Variants in MICAL3 observed in about 807,000 individuals in gnomAD.
MICAL3 encodes the protein [F-actin]-monooxygenase MICAL3.
In MICAL3, 62 loss-of-function variants were observed where a neutral mutation model predicts 207.4. That is an observed-to-expected ratio of 0.30 (90% CI 0.24 to 0.37). MICAL3 has a LOEUF of 0.37. Ranked by LOEUF, MICAL3 falls within the 10% of genes least tolerant of loss-of-function variation. The probability of loss-of-function intolerance (pLI) is 1.00; values close to 1 mark genes in which losing one functional copy is unlikely to be tolerated. For synonymous variants in MICAL3, 1,077 were observed against 1,069.3 expected, an observed-to-expected ratio of 1.01 and a Z score of -0.14; for missense variants, 2,368 against 2,635.6, an observed-to-expected ratio of 0.90 and a Z score of 2.22.
At chr22:17,907,607 AG>A (rs1439778140) in intron 1 of MICAL3, among the ~76,000 whole-genome samples, 1 of 152,198 alleles carries the variant, frequency 6.6e-6, no homozygotes, top group Admixed American at 6.5e-5. Context: ...AGCATACAAA[AG>A]CAGGAAGATC....
chr22:18,022,364 A>C (rs1387212031), intron 1 of MICAL3, among the ~76,000 whole-genome samples: 1 of 152,034 alleles, frequency 6.6e-6, no homozygotes, highest in African/African-American at 2.4e-5. Flanking sequence ...TATAATTTCT[A>C]GGTGATCTTA....
chr22:17,851,989 A>G lies in MICAL3; in HGVS notation c.2606-9972T>C, dbSNP rs372186078. On this transcript the variant is annotated intron_variant, in intron 19 of 31. Coordinates refer to ENST00000441493, the MANE Select transcript of MICAL3 (RefSeq NM_015241.3). ...GCTGACGTGCTTTCCCCAAGACTCC[A>G]GGCTCTATTCCAACCCTCCTGTCCT... 7.2e-5 allele frequency among the ~76,000 whole-genome samples: 11 copies of G among 152,284 alleles called. No individual in the cohort carries two copies. The East Asian group carries it at 7.7e-4, about 11-fold the overall frequency.
At position 17,822,063 on chromosome 22, in the gene MICAL3, T is replaced by C. The variant is rs202190845; in HGVS notation, c.3415A>G (p.Lys1139Glu). 1.2e-6 allele frequency: 2 copies of C among 1,613,900 alleles called. No individual in the cohort carries two copies. Among genetic ancestry groups the C allele is most frequent in the Non-Finnish European group, 1.7e-6 (2 of 1,179,870 alleles). Residue 1139 changes from lysine to glutamate, a missense_variant, in exon 24 of 32, where the codon AAG becomes GAG. Lys to Glu is a moderately conservative substitution (Grantham distance 56, BLOSUM62 1). This residue lies in a region of MICAL3 where 1,770 missense variants were observed against 1,863.2 expected (regional missense o/e 0.95). Transcript: ENST00000441493. The stretch of plus-strand genomic sequence containing the variant: ...TGGTGCTTCGGTGAGGCGGGCAGCT[T>C]CTCCTCATCTTCCGACACCCTCAGC... ...LELRVSEDEEKLPASPKHQER... is the reference protein window; with the variant it reads ...LELRVSEDEEELPASPKHQER...
Position 17,871,924 on chromosome 22 carries a change from C to T in MICAL3, c.2341G>A (p.Gly781Ser), listed in dbSNP as rs748266193. ...AAGCAGCTCCGGTGGAAGAACTTGC[C>T]CTCGGCACTCAGCCTCTCCATCACG... ...VYVMERLSAE[G>S]KFFHRSCFKC... The change falls in exon 17 of 32, where the codon GGC (glycine) becomes AGC (serine). Residue 781 changes from glycine to serine, a missense_variant. This residue lies in a region of MICAL3 where 1,770 missense variants were observed against 1,863.2 expected (regional missense o/e 0.95). Coordinates refer to ENST00000441493, the MANE Select transcript of MICAL3 (RefSeq NM_015241.3). 6.2e-7 allele frequency: 1 copy of T among 1,611,318 alleles called. No individual in the cohort carries two copies. The highest frequency in any genetic ancestry group is 1.1e-5 in the South Asian group (1 of 90,192).
chr22:17,886,442 G>A (rs1191107245), intron 15 of MICAL3, among the ~76,000 whole-genome samples: 1 of 152,190 alleles, frequency 6.6e-6, no homozygotes, highest in Non-Finnish European at 1.5e-5. Context: ...CAAGATGGGT[G>A]GATCACTTGA....
chr22:17,860,921 A>G (rs1417936345), intron 19 of MICAL3: 5 of 984,916 alleles, frequency 5.1e-6, no homozygotes, highest in African/African-American at 1.7e-5. Context: ...CACAATTATT[A>G]TAATTACTAT....
At position 17,902,976 on chromosome 22, in the gene MICAL3, C is replaced by A. The variant is rs1012141568; in HGVS notation, c.473-229G>T. Among the ~76,000 whole-genome samples, 1 of 152,230 alleles carries A rather than the reference C, an allele frequency of 6.6e-6. No homozygotes were observed. The highest frequency in any genetic ancestry group is 2.4e-5 in the African/African-American group (1 of 41,452). On this transcript the variant is annotated intron_variant, in intron 3 of 31. Coordinates refer to ENST00000441493, the MANE Select transcript of MICAL3 (RefSeq NM_015241.3). The surrounding 1 kb of genome is among the most constrained non-coding windows in gnomAD (Gnocchi z 4.5). ...TAGAGCAACACACAGGACACTCCCA[C>A]GTCTCGGGTTCAGTGTTTTAAACAA...
chr22:17,887,517 A>G (rs1930027016), intron 13 of MICAL3, 82 bp from the exon 14 acceptor site: 2 of 868,170 alleles, frequency 2.3e-6, no homozygotes, highest in African/African-American at 1.7e-5. Flanking sequence ...TCCCTCGTGG[A>G]TGGTTCGCAG....
At chr22:18,016,015 T>C (rs955283777) in intron 1 of MICAL3, among the ~76,000 whole-genome samples, 1 of 152,218 alleles carries the variant, frequency 6.6e-6, no homozygotes, top group Non-Finnish European at 1.5e-5. Flanking sequence ...ACTAACTTTA[T>C]TGGGATAAAT....
At chr22:17,886,395 G>A (rs1007696746) in intron 15 of MICAL3, among the ~76,000 whole-genome samples, 4 of 152,220 alleles carry the variant, frequency 2.6e-5, no homozygotes, top group Non-Finnish European at 5.9e-5. Context: ...GGCCAGGCAT[G>A]GTGGCTCACA....
In MICAL3 at chr22:17,895,294, C is replaced by G. The variant is rs762366580; in HGVS notation, c.1439G>C (p.Arg480Pro). The G allele has an allele frequency of 6.2e-7, 1 of 1,613,304 alleles. No individual in the cohort carries two copies. Among genetic ancestry groups the G allele is most frequent in the South Asian group, 1.1e-5 (1 of 90,904 alleles). Reference protein sequence around the residue: ...RYPNINVNFLRPSQVRHLYDT... With the variant: ...RYPNINVNFLPPSQVRHLYDT... ...ACAAGAAGGTCTTACCTGGCTTGGC[C>G]GGAGGAAGTTGACGTTGATATTGGG... Residue 480 changes from arginine to proline, a missense_variant, in exon 10 of 32, where the codon CGG becomes CCG. This residue lies in a region of MICAL3 where 147 missense variants were observed against 137.7 expected (regional missense o/e 1.07). Transcript: ENST00000441493.
At chr22:17,959,975 T>C (rs576454195) in intron 1 of MICAL3, among the ~76,000 whole-genome samples, 1 of 152,296 alleles carries the variant, frequency 6.6e-6, no homozygotes, top group South Asian at 2.1e-4. Context: ...TCCCAATGCC[T>C]AGGAGTGCAC....
chr22:17,995,046 C>A (rs1290284368), intron 1 of MICAL3, among the ~76,000 whole-genome samples: 1 of 152,156 alleles, frequency 6.6e-6, no homozygotes. Context: ...TAACAGAACA[C>A]GAAAAAGATA....
At chr22:17,877,567 G>A (rs373661146) in intron 16 of MICAL3, among the ~76,000 whole-genome samples, 1 of 131,502 alleles carries the variant, frequency 7.6e-6, no homozygotes, top group Non-Finnish European at 1.6e-5. Context: ...ATGGAGGTTA[G>A]GGAGGTTAGG....
rs1000323788 is a variant in MICAL3, at chr22:17,900,418, T to G, written c.847+424A>C. On this transcript the variant is annotated intron_variant, in intron 6 of 31. Transcript: ENST00000441493. The surrounding 1 kb of genome is among the most constrained non-coding windows in gnomAD (Gnocchi z 4.0). The stretch of plus-strand genomic sequence containing the variant: ...GAGTTTGGGAGCAGCCCGGGCAACA[T>G]GGCGAAACTCCGTCTCTACAAGTAA... 6.6e-6 allele frequency among the ~76,000 whole-genome samples: 1 copy of G among 152,030 alleles called. No individual in the cohort carries two copies. Among genetic ancestry groups the G allele is most frequent in the Non-Finnish European group, 1.5e-5 (1 of 68,006 alleles).
At chr22:18,003,748 G>A (rs5992963) in intron 1 of MICAL3, among the ~76,000 whole-genome samples, 25,813 of 151,692 alleles carry the variant, frequency 0.17, 2,585 homozygotes, top group Middle Eastern at 0.25. Context: ...TTCCAATCAC[G>A]CAGGGAGTCT....
intron 6 of MICAL3, 142 bp from the exon 7 acceptor site, chr22:17,899,690 C>CG (rs1436769927): frequency 1.6e-6 from 1 of 628,830 alleles, no homozygotes; most frequent in Non-Finnish European, 2.9e-6. Context: ...CAGATTCTCA[C>CG]GTCCTGTATC....
intron 16 of MICAL3, among the ~76,000 whole-genome samples, chr22:17,881,489 A>G (rs1383130024): frequency 1.3e-5 from 2 of 152,144 alleles, no homozygotes; most frequent in African/African-American, 4.8e-5. Flanking sequence ...GCACCTTCTG[A>G]TAGGCACAGC....
intron 19 of MICAL3, among the ~76,000 whole-genome samples, chr22:17,857,829 G>C (rs992149404): frequency 6.6e-6 from 1 of 152,202 alleles, no homozygotes; most frequent in Non-Finnish European, 1.5e-5. Context: ...TCCCGTTTTA[G>C]GCACATTCTG....
Sources: gnomAD v4.1 joint callset for allele counts (sites outside exome capture counted in the v4.1 genomes callset) on GRCh38, gnomAD v4.1.1 for gene constraint, gnomAD v4.1.1 regional missense constraint, Gnocchi (gnomAD v3.1) non-coding constraint, MANE v1.5 for transcripts, NCBI Gene and HGNC (gene_info 2026-07-23, HGNC 2026-07-21) for gene names.